The following PREX1 variants were observed in gnomAD, a reference collection of about 807,000 sequenced individuals.
PREX1 encodes the protein phosphatidylinositol 3,4,5-trisphosphate-dependent Rac exchanger 1 protein.
Under a neutral mutation model 198.3 loss-of-function variants are expected in PREX1, and 41 were observed. The observed-to-expected ratio is 0.21, with a 90% confidence interval of 0.16 to 0.27. The LOEUF is 0.27. Ranked by LOEUF, PREX1 falls within the 10% of genes least tolerant of loss-of-function variation. The pLI, the probability that PREX1 is intolerant of heterozygous loss-of-function variation, is 1.00. For missense variants in PREX1, 1,620 were observed against 2,200.7 expected (o/e 0.74, Z 5.28); for synonymous variants, 843 against 887.2 (o/e 0.95, Z 0.89).
chr20:48,771,584 C>CT (rs1315820803), intron 1 of PREX1, among the ~76,000 whole-genome samples: 1 of 152,096 alleles, frequency 6.6e-6, no homozygotes, highest in Non-Finnish European at 1.5e-5. Flanking sequence ...TTACAGTGAG[C>CT]TGAGACTGTG....
upstream of PREX1, among the ~76,000 whole-genome samples, chr20:48,830,818 C>G (rs1334408061): frequency 6.6e-6 from 1 of 152,182 alleles, no homozygotes; most frequent in Non-Finnish European, 1.5e-5. Context: ...AAAGTCGTTG[C>G]AAGGTTCCTG....
chr20:48,860,208 C>T, the PREX1 span, among the ~76,000 whole-genome samples: 1 of 152,160 alleles, frequency 6.6e-6, no homozygotes, highest in Non-Finnish European at 1.5e-5. Flanking sequence ...AAATGAAGGA[C>T]ATTCTGATAC....
chr20:48,874,239 G>A, the PREX1 span, among the ~76,000 whole-genome samples: 2 of 152,038 alleles, frequency 1.3e-5, no homozygotes, highest in Non-Finnish European at 2.9e-5. Flanking sequence ...ACCAGAATTC[G>A]AACCCACGAC....
At chr20:48,877,301 T>C in the PREX1 span, among the ~76,000 whole-genome samples, 3 of 151,400 alleles carry the variant, frequency 2.0e-5, no homozygotes, top group African/African-American at 7.3e-5. Flanking sequence ...AAAAAAAGTA[T>C]GATATATTAA....
At chr20:48,819,789 C>T (rs565901178) in intron 1 of PREX1, among the ~76,000 whole-genome samples, 25 of 152,340 alleles carry the variant, frequency 1.6e-4, no homozygotes, top group African/African-American at 5.8e-4. Context: ...CTTGTTCCAG[C>T]CACATGCCAG....
intron 10 of PREX1, among the ~76,000 whole-genome samples, chr20:48,682,055 C>T (rs1297143222): frequency 1.3e-5 from 2 of 152,172 alleles, no homozygotes; most frequent in Non-Finnish European, 1.5e-5. Flanking sequence ...CCCACACGGA[C>T]ATAAACAAGG....
At chr20:48,631,890 C>A (rs926997230) in intron 35 of PREX1, among the ~76,000 whole-genome samples, 2 of 152,140 alleles carry the variant, frequency 1.3e-5, no homozygotes, top group Middle Eastern at 3.2e-3. Context: ...GGGAGCCGCA[C>A]CCCTCACTCA....
At chr20:48,686,699 C>T (rs1479270014) in intron 10 of PREX1, among the ~76,000 whole-genome samples, 1 of 152,242 alleles carries the variant, frequency 6.6e-6, no homozygotes, top group Non-Finnish European at 1.5e-5. Flanking sequence ...CCAAACTCTC[C>T]TCTCCATGGA....
At chr20:48,710,628 G>A (rs73911642) in intron 5 of PREX1, among the ~76,000 whole-genome samples, 2,020 of 152,258 alleles carry the variant, frequency 0.013, 45 homozygotes, top group African/African-American at 0.046. Context: ...TGCTATTTAC[G>A]ACTTTTCAGA....
intron 1 of PREX1, among the ~76,000 whole-genome samples, chr20:48,802,765 C>T (rs1367366542): frequency 6.6e-6 from 1 of 152,234 alleles, no homozygotes; most frequent in African/African-American, 2.4e-5. Flanking sequence ...AGCATGAAGA[C>T]AGCAGAAAAC....
intron 26 of PREX1, 49 bp downstream of exon 26, chr20:48,645,802 G>A (rs112462791): frequency 1.9e-5 from 31 of 1,595,340 alleles, no homozygotes; most frequent in African/African-American, 1.7e-4. Context: ...GGCCTCACCT[G>A]TCCAGGGCCA....
chr20:48,745,460 C>T (rs1300456885), intron 2 of PREX1, among the ~76,000 whole-genome samples: 9 of 152,156 alleles, frequency 5.9e-5, no homozygotes, highest in Non-Finnish European at 1.3e-4. Context: ...AGAACCAAGG[C>T]TCAGATAAAA....
intron 1 of PREX1, among the ~76,000 whole-genome samples, chr20:48,780,866 C>T (rs1033088878): frequency 1.3e-5 from 2 of 152,198 alleles, no homozygotes; most frequent in Admixed American, 1.3e-4. Flanking sequence ...TTAGTAACCT[C>T]ACCATGGAGT....
the PREX1 span, among the ~76,000 whole-genome samples, chr20:48,887,977 A>G: frequency 1.3e-5 from 2 of 152,024 alleles, no homozygotes; most frequent in Admixed American, 1.3e-4. Flanking sequence ...AAATAAATAA[A>G]TAAATAATAA....
chr20:48,687,429 G>T (rs755863215), intron 10 of PREX1, among the ~76,000 whole-genome samples: 3 of 152,220 alleles, frequency 2.0e-5, no homozygotes, highest in Non-Finnish European at 4.4e-5. Flanking sequence ...AGCAAATGCT[G>T]TTGCCTTTCA....
At chr20:48,667,243 C>T (rs56258328) in intron 14 of PREX1, among the ~76,000 whole-genome samples, 1 of 152,198 alleles carries the variant, frequency 6.6e-6, no homozygotes, top group Non-Finnish European at 1.5e-5. Context: ...CAGCTCTGAA[C>T]CACCCACCTC....
intron 1 of PREX1, among the ~76,000 whole-genome samples, chr20:48,802,133 C>A (rs1045643450): frequency 1.3e-5 from 2 of 152,156 alleles, no homozygotes; most frequent in Non-Finnish European, 2.9e-5. Flanking sequence ...CCTGCACACA[C>A]CCCATCCCCA....
chr20:48,879,152 A>G, the PREX1 span, among the ~76,000 whole-genome samples: 1 of 152,222 alleles, frequency 6.6e-6, no homozygotes, highest in African/African-American at 2.4e-5. Context: ...TGTAACCAAG[A>G]GACCATTTTG....
intron 13 of PREX1, among the ~76,000 whole-genome samples, chr20:48,677,922 G>A (rs1397681459): frequency 2.0e-5 from 3 of 152,144 alleles, no homozygotes; most frequent in Non-Finnish European, 4.4e-5. Flanking sequence ...GGAGGCAGAG[G>A]TTGCAGTGAG....
Sources: allele counts gnomAD v4.1 joint callset (sites outside exome capture counted in the v4.1 genomes callset), GRCh38; gene constraint gnomAD v4.1.1; transcripts MANE v1.5; gene names NCBI Gene and HGNC (gene_info 2026-07-23, HGNC 2026-07-21).